The following ESRRB variants were observed in gnomAD, a reference collection of about 807,000 sequenced individuals.
ESRRB encodes the protein steroid hormone receptor ERR2.
In ESRRB, 16 loss-of-function variants were observed where a neutral mutation model predicts 46.0. The observed-to-expected ratio is 0.35, with a 90% confidence interval of 0.24 to 0.53. The LOEUF is 0.53. ESRRB is among the 20% of genes least tolerant of loss of function. ESRRB has a pLI of 0.93. For synonymous variants in ESRRB, 246 were observed against 259.6 expected (o/e 0.95, Z 0.50); for missense variants, 488 against 607.4 (o/e 0.80, Z 2.07).
intron 2 of ESRRB, among the ~76,000 whole-genome samples, chr14:76,456,178 G>A (rs1566908124): frequency 6.6e-6 from 1 of 152,132 alleles, no homozygotes; most frequent in Non-Finnish European, 1.5e-5. Context: ...TTCAATGCCT[G>A]ACACTTTCTG....
At chr14:76,486,299 C>T (rs77090484) in intron 5 of ESRRB, among the ~76,000 whole-genome samples, 2,314 of 152,274 alleles carry the variant, frequency 0.015, 58 homozygotes, top group African/African-American at 0.053. Flanking sequence ...GGAGTTTCCA[C>T]CACCCTGCCC....
intron 1 of ESRRB, among the ~76,000 whole-genome samples, chr14:76,416,582 GC>G (rs1886713445): frequency 6.6e-6 from 1 of 151,918 alleles, no homozygotes; most frequent in African/African-American, 2.4e-5. Flanking sequence ...CAATTCTCCT[GC>G]CCCAGCCTCC....
intron 2 of ESRRB, among the ~76,000 whole-genome samples, chr14:76,447,572 C>T (rs1328607274): frequency 6.6e-6 from 1 of 152,132 alleles, no homozygotes; most frequent in Non-Finnish European, 1.5e-5. Flanking sequence ...CAGAAGCACC[C>T]CAGTTGCACG....
chr14:76,487,139 A>G (rs1351160175), intron 5 of ESRRB, among the ~76,000 whole-genome samples: 1 of 152,206 alleles, frequency 6.6e-6, no homozygotes, highest in Non-Finnish European at 1.5e-5. Context: ...CCATGGGCTT[A>G]TACCATAACA....
upstream of ESRRB, among the ~76,000 whole-genome samples, chr14:76,372,996 T>C (rs992861916): frequency 3.9e-5 from 6 of 152,234 alleles, no homozygotes; most frequent in African/African-American, 1.4e-4. Context: ...TTGTCAAATC[T>C]GATGATGGTT....
chr14:76,324,468 C>T (rs1026059452), intron 1 of ESRRB, among the ~76,000 whole-genome samples: 7 of 152,210 alleles, frequency 4.6e-5, no homozygotes, highest in Admixed American at 3.3e-4. Flanking sequence ...GACAGAGAGA[C>T]GATGGGAGCT....
Position 76,423,957 on chromosome 14 carries a change from G to A in ESRRB, c.51-15384G>A, listed in dbSNP as rs1377867800. On this transcript the variant is annotated intron_variant, in intron 1 of 6. Coordinates refer to ENST00000644823, the MANE Select transcript of ESRRB (RefSeq NM_001379180.1). Reference sequence around the variant, plus strand: ...CAGATCCTGAGGCCTTCTGAGCTGTGGAAAGGACTCCTGCTTCACTGGAGC... The same window carrying A: ...CAGATCCTGAGGCCTTCTGAGCTGTAGAAAGGACTCCTGCTTCACTGGAGC... Among the ~76,000 whole-genome samples, 4 of 152,072 alleles carry A rather than the reference G, an allele frequency of 2.6e-5. No individual in the cohort carries two copies. In the South Asian group the frequency reaches 6.2e-4, roughly 24 times the overall value.
At chr14:76,462,433 G>T (rs57898283) in intron 2 of ESRRB, 112 bp from the exon 3 acceptor site, 16 of 761,442 alleles carry the variant, frequency 2.1e-5, no homozygotes, top group South Asian at 1.0e-4. Flanking sequence ...GAGAACACTA[G>T]GGGGGAGTGG....
At chr14:76,456,201 G>A (rs966708620) in intron 2 of ESRRB, among the ~76,000 whole-genome samples, 1 of 152,182 alleles carries the variant, frequency 6.6e-6, no homozygotes, top group Non-Finnish European at 1.5e-5. Flanking sequence ...GTTCTGCAGT[G>A]TGGCTAGCTT....
At position 76,499,790 on chromosome 14, in the gene ESRRB, C is replaced by T. The variant is rs529037579; in HGVS notation, c.*1332C>T. 21 of 1,301,728 alleles carry T rather than the reference C, an allele frequency of 1.6e-5. No homozygotes were observed. The highest frequency in any genetic ancestry group is 2.2e-5 in the Non-Finnish European group (20 of 895,256). 80.6% of individuals were successfully genotyped at this position (1,301,728 alleles called of 1,614,324 possible). ...AGGCACACGGGGACAGTGGGTCACTCTATTTCTGTGGATGGCCGTGAAAGT... is the reference window on the plus strand; with the variant it reads ...AGGCACACGGGGACAGTGGGTCACTTTATTTCTGTGGATGGCCGTGAAAGT... On this transcript the variant is annotated 3_prime_UTR_variant, in exon 7 of 7. Transcript: ENST00000644823.
intron 2 of ESRRB, among the ~76,000 whole-genome samples, chr14:76,454,022 A>G (rs1220425784): frequency 3.3e-5 from 5 of 152,242 alleles, no homozygotes; most frequent in Non-Finnish European, 7.3e-5. Flanking sequence ...CAAGTACTCC[A>G]GAGTTGATTA....
chr14:76,424,801 A>G lies in ESRRB; in HGVS notation c.51-14540A>G, dbSNP rs144886528. The stretch of plus-strand genomic sequence containing the variant: ...GCCCAGACTGGAGTGCAGTGGCACA[A>G]TCTTGGCTCACTGCAACCTCCACCT... On this transcript the variant is annotated intron_variant, in intron 1 of 6. Transcript: ENST00000644823. Among the ~76,000 whole-genome samples, 1,212 of 152,258 alleles carry G rather than the reference A, an allele frequency of 8.0e-3. 12 individuals carry two copies. The highest frequency in any genetic ancestry group is 0.012 in the Non-Finnish European group (809 of 68,010).
Position 76,498,603 on chromosome 14 carries a change from G to T in ESRRB, c.*145G>T. On this transcript the variant is annotated 3_prime_UTR_variant, in exon 7 of 7. Coordinates refer to ENST00000644823, the MANE Select transcript of ESRRB (RefSeq NM_001379180.1). Reference sequence around the variant, plus strand: ...AGAGGCGGGGGTTTCTCACCTCCTGGCTGTGTGCAGACTCCCGGGTGCAGT... The same window carrying T: ...AGAGGCGGGGGTTTCTCACCTCCTGTCTGTGTGCAGACTCCCGGGTGCAGT... The T allele has an allele frequency of 2.0e-6, 3 of 1,476,780 alleles. No individual in the cohort carries two copies. Among genetic ancestry groups the T allele is most frequent in the Non-Finnish European group, 2.7e-6 (3 of 1,104,846 alleles). 91.5% of individuals were successfully genotyped at this position (1,476,780 alleles called of 1,614,324 possible). A position where few individuals can be genotyped will look rare whatever the true frequency, so the allele number is the denominator to read the frequency against.
rs34504939 is a variant in ESRRB at position 76,485,233 on chromosome 14, AT to A, written c.850+2498del. On this transcript the variant is annotated intron_variant, in intron 5 of 6. Transcript: ENST00000644823. ...GGGCAATGACACAATCAAATGCCTG[AT>A]TTTTTTTTTTTTTTTTTTTTTTTGA... Among the ~76,000 whole-genome samples the A allele has an allele frequency of 4.8e-3, 445 of 91,860 alleles. 3 individuals are homozygous for A. The highest frequency in any genetic ancestry group is 0.041 in the East Asian group (130 of 3,164). The allele number at this position is 91,860 out of a possible 152,430, so 60.3% of individuals were successfully genotyped here.
intron 1 of ESRRB, among the ~76,000 whole-genome samples, chr14:76,355,282 C>T (rs1192344569): frequency 2.0e-5 from 3 of 152,090 alleles, no homozygotes; most frequent in Non-Finnish European, 4.4e-5. Context: ...GCTTGGGACC[C>T]GAAATACTGA....
chr14:76,345,206 T>A (rs144621641), intron 1 of ESRRB, among the ~76,000 whole-genome samples: 1,679 of 152,122 alleles, frequency 0.011, 34 homozygotes, highest in African/African-American at 0.038. Flanking sequence ...CTAACTAAAC[T>A]AAAGAGCTTT....
At chr14:76,427,150 C>A (rs1369993082) in intron 1 of ESRRB, among the ~76,000 whole-genome samples, 1 of 152,154 alleles carries the variant, frequency 6.6e-6, no homozygotes, top group Non-Finnish European at 1.5e-5. Flanking sequence ...GGAAGAATGA[C>A]CTTGCTCAGC....
intron 3 of ESRRB, among the ~76,000 whole-genome samples, chr14:76,469,926 G>GTTTTTTT (rs1356927268): frequency 2.7e-3 from 180 of 67,310 alleles, no homozygotes; most frequent in Middle Eastern, 8.5e-3. Flanking sequence ...TGTGTTTTTT[G>GTTTTTTT]TTGTTTTTTT....
intron 1 of ESRRB, among the ~76,000 whole-genome samples, chr14:76,419,365 G>C (rs980704308): frequency 6.6e-6 from 1 of 152,148 alleles, no homozygotes; most frequent in Non-Finnish European, 1.5e-5. Flanking sequence ...AATCAAGGGT[G>C]GGGGACACGG....
Sources: gnomAD v4.1 joint callset for allele counts (sites outside exome capture counted in the v4.1 genomes callset) on GRCh38, gnomAD v4.1.1 for gene constraint, MANE v1.5 for transcripts, NCBI Gene and HGNC (gene_info 2026-07-23, HGNC 2026-07-21) for gene names.